The following CCDC85C variants were observed in gnomAD, a reference collection of about 807,000 sequenced individuals.
CCDC85C encodes coiled-coil domain containing 85C, also known as coiled-coil domain-containing protein 85C.
Under a neutral mutation model 38.3 loss-of-function variants are expected in CCDC85C, and 18 were observed. The ratio of observed to expected loss-of-function variants is 0.47; its 90% confidence interval spans 0.33 to 0.70. CCDC85C has a LOEUF of 0.70. Ranked by LOEUF, CCDC85C falls within the 30% of genes least tolerant of loss-of-function variation. The pLI, the probability that CCDC85C is intolerant of heterozygous loss-of-function variation, is 0.03. For missense variants in CCDC85C, 566 were observed against 621.2 expected (o/e 0.91, Z 0.94); for synonymous variants, 264 against 293.8 (o/e 0.90, Z 1.04).
intron 1 of CCDC85C, among the ~76,000 whole-genome samples, chr14:99,547,383 G>C (rs942909563): frequency 6.6e-6 from 1 of 152,086 alleles, no homozygotes; most frequent in Non-Finnish European, 1.5e-5. Context: ...GGGATAGGGG[G>C]TGACTGCTAA....
intron 3 of CCDC85C, among the ~76,000 whole-genome samples, 175 bp from the exon 4 acceptor site, chr14:99,517,358 G>A (rs1190302938): frequency 2.0e-5 from 3 of 152,162 alleles, no homozygotes; most frequent in African/African-American, 7.2e-5. Flanking sequence ...CCCACAGCCA[G>A]TCTGGCCAGT....
chr14:99,597,042 T>C (rs920788852), intron 1 of CCDC85C, among the ~76,000 whole-genome samples: 3 of 152,072 alleles, frequency 2.0e-5, no homozygotes, highest in Non-Finnish European at 2.9e-5. Flanking sequence ...ACTCACCAGG[T>C]CTGGAACCTA....
chr14:99,576,078 G>A lies in CCDC85C; in HGVS notation c.793+27089C>T, dbSNP rs1367058012. On this transcript the variant is annotated intron_variant, in intron 1 of 5. Transcript: ENST00000380243. This position sits in a 1 kb window ranked among gnomAD's most constrained non-coding sequence, Gnocchi z 4.8. ...CCTCACCGATCTGTGCCCGTCTAAT[G>A]AGGGTGGCTCACACTAATGGCCACA... Among the ~76,000 whole-genome samples, 2 of 152,228 alleles carry A rather than the reference G, an allele frequency of 1.3e-5. No homozygotes were observed. Among genetic ancestry groups the A allele is most frequent in the Non-Finnish European group, 2.9e-5 (2 of 68,042 alleles).
At position 99,588,637 on chromosome 14, in the gene CCDC85C, G is replaced by T. The variant is rs1239257545; in HGVS notation, c.793+14530C>A. On this transcript the variant is annotated intron_variant, in intron 1 of 5. Transcript: ENST00000380243. The surrounding 1 kb of genome is among the most constrained non-coding windows in gnomAD (Gnocchi z 5.0). Reference sequence around the variant, plus strand: ...AGCCTGGCACAGGTGGTGGCAAAGGGTCCCCTGGCTGCCCTTTCTGGTCTG... The same window carrying T: ...AGCCTGGCACAGGTGGTGGCAAAGGTTCCCCTGGCTGCCCTTTCTGGTCTG... Among the ~76,000 whole-genome samples, 6 of 152,200 alleles carry T rather than the reference G, an allele frequency of 3.9e-5. No homozygotes were observed. In the East Asian group the frequency reaches 1.2e-3, roughly 30 times the overall value.
chr14:99,565,688 C>T (rs543904965), intron 1 of CCDC85C, among the ~76,000 whole-genome samples: 7 of 152,140 alleles, frequency 4.6e-5, no homozygotes, highest in Admixed American at 3.9e-4. Flanking sequence ...TACAGAAGCC[C>T]GGGAGGACAC....
intron 3 of CCDC85C, among the ~76,000 whole-genome samples, chr14:99,518,002 C>T (rs191746937): frequency 3.9e-3 from 599 of 152,306 alleles, no homozygotes; most frequent in Admixed American, 6.3e-3. Flanking sequence ...GCGGGGTTTC[C>T]AGGACATCTT....
In CCDC85C at chr14:99,501,856, A is replaced by G. The variant is rs1191067761; in HGVS notation, c.*13390T>C. 1 of 233,178 alleles carries G rather than the reference A, an allele frequency of 4.3e-6. No individual in the cohort carries two copies. Among genetic ancestry groups the G allele is most frequent in the African/African-American group, 2.3e-5 (1 of 43,314 alleles). 14.4% of individuals were successfully genotyped at this position (233,178 alleles called of 1,614,324 possible). ...AGCCCCATCCCACTGCAGTCAGTGA[A>G]GCTTCTCTTACATTTGACTTCCTCC... is the stretch of plus-strand genomic sequence containing the variant. On this transcript the variant is annotated 3_prime_UTR_variant, in exon 6 of 6. Transcript: ENST00000380243.
intron 1 of CCDC85C, among the ~76,000 whole-genome samples, chr14:99,553,998 C>T (rs546472304): frequency 2.0e-5 from 3 of 152,136 alleles, no homozygotes; most frequent in African/African-American, 7.2e-5. Context: ...GTGCAGGTTG[C>T]GGGAGGGACA....
At chr14:99,542,366 G>A (rs748318545) in intron 1 of CCDC85C, among the ~76,000 whole-genome samples, 3 of 152,192 alleles carry the variant, frequency 2.0e-5, no homozygotes, top group Non-Finnish European at 4.4e-5. Flanking sequence ...CCAACTGCGG[G>A]GAGCTCCAAG....
chr14:99,537,985 C>A (rs1232346086), intron 1 of CCDC85C, among the ~76,000 whole-genome samples: 1 of 152,202 alleles, frequency 6.6e-6, no homozygotes, highest in African/African-American at 2.4e-5. Flanking sequence ...CAAGTAAACT[C>A]CAGAGACCCT....
At chr14:99,591,569 G>C (rs570008103) in intron 1 of CCDC85C, among the ~76,000 whole-genome samples, 1 of 128,640 alleles carries the variant, frequency 7.8e-6, no homozygotes, top group Non-Finnish European at 1.5e-5. Flanking sequence ...GAGGCAGGAC[G>C]GGGGGGCCAC....
Position 99,557,937 on chromosome 14 carries a change from A to C in CCDC85C, c.794-21849T>G, listed in dbSNP as rs534461953. 2.6e-5 allele frequency among the ~76,000 whole-genome samples: 4 copies of C among 151,862 alleles called. No homozygotes were observed. In the East Asian group the frequency reaches 7.8e-4, roughly 29 times the overall value. ...CTCAAAAAAATAAAGAAAAGAAAAAAGAAACAATCACTATTTTAGTCCGCA... is the reference window on the plus strand; with the variant it reads ...CTCAAAAAAATAAAGAAAAGAAAAACGAAACAATCACTATTTTAGTCCGCA... On this transcript the variant is annotated intron_variant, in intron 1 of 5. Transcript: ENST00000380243.
chr14:99,529,504 G>A (rs536615310), intron 2 of CCDC85C, among the ~76,000 whole-genome samples: 2 of 152,328 alleles, frequency 1.3e-5, no homozygotes, highest in East Asian at 3.9e-4. Context: ...CAGGTTTCAA[G>A]CAATTCTCCT....
intron 2 of CCDC85C, chr14:99,534,801 GC>G: frequency 1.4e-6 from 1 of 691,212 alleles, no homozygotes; most frequent in Non-Finnish European, 2.6e-6. Flanking sequence ...AGCCAGCACG[GC>G]CTGTGGCCAA....
rs145505263 is a variant in CCDC85C, at chr14:99,567,998, C to T, written c.794-31910G>A. On this transcript the variant is annotated intron_variant, in intron 1 of 5. Transcript: ENST00000380243. ...TACACAAGACTGCCCCCCACTCCCACCCCCAGAGGAAATGGTTAAATACCC... is the reference window on the plus strand; with the variant it reads ...TACACAAGACTGCCCCCCACTCCCATCCCCAGAGGAAATGGTTAAATACCC... Among the ~76,000 whole-genome samples the T allele has an allele frequency of 7.9e-5, 12 of 152,188 alleles. No individual in the cohort carries two copies. In the East Asian group the frequency reaches 1.2e-3, roughly 15 times the overall value.
In CCDC85C at chr14:99,514,957, T is replaced by TC. The variant is rs1897197020; in HGVS notation, c.*288dup. 3.1e-6 allele frequency: 1 copy of TC among 325,072 alleles called. No homozygotes were observed. Among genetic ancestry groups the TC allele is most frequent in the Non-Finnish European group, 5.8e-6 (1 of 171,192 alleles). The allele number at this position is 325,072 out of a possible 1,614,324, so 20.1% of individuals were successfully genotyped here. A position where few individuals can be genotyped will look rare whatever the true frequency, so the allele number is the denominator to read the frequency against. On this transcript the variant is annotated 3_prime_UTR_variant, in exon 6 of 6. Transcript: ENST00000380243. ...TCAGAAGCAGCCTGCAGCCTCTTGCTCATGGAGCCCAGGGCCCAGAGGGGG... is the reference window on the plus strand; with the variant it reads ...TCAGAAGCAGCCTGCAGCCTCTTGCTCCATGGAGCCCAGGGCCCAGAGGGGG...
intron 2 of CCDC85C, among the ~76,000 whole-genome samples, chr14:99,526,748 C>A (rs756232472): frequency 6.6e-6 from 1 of 152,246 alleles, no homozygotes; most frequent in Non-Finnish European, 1.5e-5. Flanking sequence ...AACGCAGGGC[C>A]TCAGTGGCCT....
At chr14:99,540,175 T>C (rs182665415) in intron 1 of CCDC85C, among the ~76,000 whole-genome samples, 10 of 151,992 alleles carry the variant, frequency 6.6e-5, no homozygotes, top group Admixed American at 3.3e-4. Flanking sequence ...CGGATTAAAC[T>C]CTTGCACCTT....
intron 2 of CCDC85C, among the ~76,000 whole-genome samples, chr14:99,527,616 C>T (rs1444570680): frequency 6.6e-6 from 1 of 152,150 alleles, no homozygotes; most frequent in Non-Finnish European, 1.5e-5. Context: ...GATCTGGCTG[C>T]AGCCCAGGGT....
Sources: allele counts gnomAD v4.1 joint callset (sites outside exome capture counted in the v4.1 genomes callset), GRCh38; gene constraint gnomAD v4.1.1; non-coding constraint Gnocchi (gnomAD v3.1); transcripts MANE v1.5; gene names NCBI Gene and HGNC (gene_info 2026-07-23, HGNC 2026-07-21).